ZBTB20: variants seen among roughly 807,000 people sequenced by gnomAD.
The protein encoded by ZBTB20 is zinc finger and BTB domain containing 20.
ZBTB20 carries 9 observed loss-of-function variants against 56.9 expected under a neutral mutation model. The observed-to-expected ratio is 0.16, with a 90% CI of 0.10 to 0.28. The LOEUF (loss-of-function observed/expected upper bound fraction) is 0.28. Ranked by LOEUF, ZBTB20 falls within the 10% of genes least tolerant of loss-of-function variation. ZBTB20 has a pLI of 1.00. For synonymous variants in ZBTB20, 417 were observed against 420.7 expected, an observed-to-expected ratio of 0.99 and a Z score of 0.11; for missense variants, 655 against 1,003.0, an observed-to-expected ratio of 0.65 and a Z score of 4.69.
At chr3:114,748,352 T>TGTTTTCTCTCTC (rs374192570) in intron 5 of ZBTB20, among the ~76,000 whole-genome samples, 4 of 48,654 alleles carry the variant, frequency 8.2e-5, no homozygotes, top group African/African-American at 2.3e-4. Context: ...TTTCTTTCTT[T>TGTTTTCTCTCTC]TCTCTCTCTC....
chr3:114,630,467 G>A (rs2058882701), intron 6 of ZBTB20, among the ~76,000 whole-genome samples: 1 of 152,038 alleles, frequency 6.6e-6, no homozygotes, highest in African/African-American at 2.4e-5. Flanking sequence ...GTGTACACAT[G>A]TGTGTGTACG....
chr3:114,383,002 T>C (rs1163810402), intron 8 of ZBTB20, among the ~76,000 whole-genome samples: 2 of 152,190 alleles, frequency 1.3e-5, no homozygotes, highest in African/African-American at 4.8e-5. Flanking sequence ...ATTCAATAAT[T>C]GATTGTGGAC....
intron 6 of ZBTB20, among the ~76,000 whole-genome samples, chr3:114,648,829 C>T (rs2059981720): frequency 6.6e-6 from 1 of 151,932 alleles, no homozygotes; most frequent in Non-Finnish European, 1.5e-5. Flanking sequence ...TCAAACTATG[C>T]AGATATGGAA....
intron 4 of ZBTB20, among the ~76,000 whole-genome samples, chr3:114,841,882 C>A (rs905140613): frequency 6.6e-6 from 1 of 151,974 alleles, no homozygotes; most frequent in Admixed American, 6.6e-5. Flanking sequence ...GGAGGACTGC[C>A]CAATGTGAGG....
At chr3:114,781,538 G>T (rs1448498113) in intron 5 of ZBTB20, among the ~76,000 whole-genome samples, 1 of 152,176 alleles carries the variant, frequency 6.6e-6, no homozygotes, top group Non-Finnish European at 1.5e-5. Context: ...AAAAGCCTTA[G>T]TGTGGTTTCT....
chr3:114,440,136 A>G (rs1018981620), intron 7 of ZBTB20, among the ~76,000 whole-genome samples: 2 of 152,036 alleles, frequency 1.3e-5, no homozygotes, highest in African/African-American at 4.8e-5. Flanking sequence ...CAATGGATGC[A>G]CACATAAAAC....
chr3:114,438,170 G>A (rs1182284461), intron 7 of ZBTB20, among the ~76,000 whole-genome samples: 1 of 152,134 alleles, frequency 6.6e-6, no homozygotes, highest in Non-Finnish European at 1.5e-5. Context: ...GCTAGCAGTG[G>A]CATTGGTGGG....
intron 2 of ZBTB20, among the ~76,000 whole-genome samples, chr3:115,056,396 C>T (rs1449958312): frequency 6.6e-6 from 1 of 152,016 alleles, no homozygotes; most frequent in East Asian, 1.9e-4. Flanking sequence ...TGTATCATAA[C>T]CTTATATGTG....
At chr3:114,681,773 C>T (rs2061989471) in intron 6 of ZBTB20, among the ~76,000 whole-genome samples, 1 of 152,134 alleles carries the variant, frequency 6.6e-6, no homozygotes, top group Admixed American at 6.6e-5. Context: ...CACTTTGTAA[C>T]AGAGAAACTA....
At chr3:114,948,779 T>C (rs1419482283) in intron 3 of ZBTB20, among the ~76,000 whole-genome samples, 1 of 145,966 alleles carries the variant, frequency 6.9e-6, no homozygotes. Flanking sequence ...AGTATGCAAG[T>C]CCACTGTGCA....
At chr3:114,508,151 T>C (rs1243748499) in intron 6 of ZBTB20, among the ~76,000 whole-genome samples, 2 of 152,172 alleles carry the variant, frequency 1.3e-5, no homozygotes, top group African/African-American at 2.4e-5. Context: ...TATTATTTCC[T>C]GGACCATCTT....
At chr3:114,377,057 T>G (rs1560163117) in intron 10 of ZBTB20, among the ~76,000 whole-genome samples, 1 of 152,224 alleles carries the variant, frequency 6.6e-6, no homozygotes, top group Admixed American at 6.5e-5. Context: ...CTTTACTGAC[T>G]TGGTTTAGTC....
intron 2 of ZBTB20, among the ~76,000 whole-genome samples, chr3:115,024,693 T>C (rs2080347039): frequency 6.6e-6 from 1 of 151,020 alleles, no homozygotes; most frequent in Non-Finnish European, 1.5e-5. Context: ...AACTGTACAG[T>C]AGGCCATTAG....
At chr3:115,064,765 T>G (rs2082146028) in intron 2 of ZBTB20, among the ~76,000 whole-genome samples, 1 of 152,176 alleles carries the variant, frequency 6.6e-6, no homozygotes, top group Admixed American at 6.5e-5. Context: ...CTCTCTGAAT[T>G]TTAAAGCCAC....
At chr3:114,771,727 A>G (rs1560231339) in intron 5 of ZBTB20, among the ~76,000 whole-genome samples, 2 of 152,146 alleles carry the variant, frequency 1.3e-5, no homozygotes, top group Non-Finnish European at 2.9e-5. Context: ...GATGAAATTT[A>G]CCTCCAGTTC....
chr3:114,527,395 G>C lies in ZBTB20; in HGVS notation c.-294-27004C>G, dbSNP rs556925666. 5.3e-5 allele frequency: 8 copies of C among 152,194 alleles called. No homozygotes were observed. The East Asian group carries it at 5.8e-4, about 11-fold the overall frequency. The allele number at this position is 152,194 out of a possible 1,614,324, so 9.4% of individuals were successfully genotyped here. A position where few individuals can be genotyped will look rare whatever the true frequency, so the allele number is the denominator to read the frequency against. ...TCCATGTTATTTCACAGGGCTGAAG[G>C]GGGCAGGAAGCCCTTTGGTATCTAG... On this transcript the variant is annotated intron_variant, in intron 6 of 11. Coordinates refer to ENST00000675478, the MANE Select transcript of ZBTB20 (RefSeq NM_001348800.3).
intron 5 of ZBTB20, among the ~76,000 whole-genome samples, chr3:114,788,031 C>A (rs1300712782): frequency 6.6e-6 from 1 of 152,076 alleles, no homozygotes; most frequent in Non-Finnish European, 1.5e-5. Flanking sequence ...AGTATGACAG[C>A]AAGGTAAAGA....
chr3:114,595,524 A>AT (rs1181067129), intron 6 of ZBTB20, among the ~76,000 whole-genome samples: 1 of 152,222 alleles, frequency 6.6e-6, no homozygotes, highest in Non-Finnish European at 1.5e-5. Context: ...TGAAATCAAG[A>AT]TTGAGATCCA....
intron 7 of ZBTB20, among the ~76,000 whole-genome samples, chr3:114,468,822 C>T (rs1210192243): frequency 6.6e-6 from 1 of 151,836 alleles, no homozygotes; most frequent in Non-Finnish European, 1.5e-5. Flanking sequence ...TCAAATGCCT[C>T]AAGGAGCCAG....
Sources: gnomAD v4.1 joint callset for allele counts (sites outside exome capture counted in the v4.1 genomes callset) on GRCh38, gnomAD v4.1.1 for gene constraint, MANE v1.5 for transcripts, NCBI Gene and HGNC (gene_info 2026-07-23, HGNC 2026-07-21) for gene names.